Variants in HS6ST3 observed in about 807,000 individuals in gnomAD.
The protein encoded by HS6ST3 is heparan-sulfate 6-O-sulfotransferase 3.
Under a neutral mutation model 36.7 loss-of-function variants are expected in HS6ST3, and 12 were observed. The observed-to-expected ratio is 0.33, with a 90% CI of 0.21 to 0.53. The LOEUF (loss-of-function observed/expected upper bound fraction) is 0.53. Among genes scored for constraint, HS6ST3 ranks in the 20% least tolerant of loss-of-function variants. HS6ST3 has a pLI of 0.95. For missense variants in HS6ST3, 584 were observed against 640.9 expected (o/e 0.91, Z 0.96); for synonymous variants, 240 against 257.5 (o/e 0.93, Z 0.65).
At chr13:96,721,136 A>G (rs565964459) in intron 1 of HS6ST3, among the ~76,000 whole-genome samples, 3 of 152,314 alleles carry the variant, frequency 2.0e-5, no homozygotes, top group African/African-American at 7.2e-5. Context: ...GAGCCTAATG[A>G]TAATTCCTCT....
intron 1 of HS6ST3, among the ~76,000 whole-genome samples, chr13:96,788,096 T>C (rs1355811735): frequency 6.6e-6 from 1 of 151,938 alleles, no homozygotes; most frequent in Non-Finnish European, 1.5e-5. Flanking sequence ...TTCTATGTTA[T>C]GTTTCATTTC....
intron 1 of HS6ST3, among the ~76,000 whole-genome samples, chr13:96,157,246 G>A (rs1273463019): frequency 6.6e-6 from 1 of 152,086 alleles, no homozygotes; most frequent in East Asian, 1.9e-4. Context: ...CAGTTTTATT[G>A]CCATCTTCTT....
At chr13:96,226,474 C>T (rs1360060667) in intron 1 of HS6ST3, among the ~76,000 whole-genome samples, 1 of 152,076 alleles carries the variant, frequency 6.6e-6, no homozygotes, top group East Asian at 1.9e-4. Flanking sequence ...AAGCCAAGAT[C>T]GTGCCATTGC....
At chr13:96,271,289 A>C (rs9556541) in intron 1 of HS6ST3, among the ~76,000 whole-genome samples, 74,386 of 151,706 alleles carry the variant, frequency 0.49, 18,583 homozygotes, top group Middle Eastern at 0.6. Context: ...AGAGCACAGA[A>C]ATAGTAAAAT....
intron 1 of HS6ST3, among the ~76,000 whole-genome samples, chr13:96,224,356 C>T (rs1411792008): frequency 2.6e-5 from 4 of 151,976 alleles, no homozygotes; most frequent in African/African-American, 4.8e-5. Flanking sequence ...AGTGTCTCTC[C>T]GTCTGCTAGG....
intron 1 of HS6ST3, among the ~76,000 whole-genome samples, chr13:96,219,133 A>G (rs2054442195): frequency 6.6e-6 from 1 of 152,096 alleles, no homozygotes; most frequent in East Asian, 1.9e-4. Context: ...CCAGAGCCAC[A>G]CTAACTCCAC....
intron 1 of HS6ST3, among the ~76,000 whole-genome samples, chr13:96,484,379 C>T (rs2055904061): frequency 6.6e-6 from 1 of 152,006 alleles, no homozygotes; most frequent in African/African-American, 2.4e-5. Flanking sequence ...TTCAATGTTT[C>T]AATGTTAGCA....
Position 96,798,617 on chromosome 13 carries a change from G to T in HS6ST3, c.708-33873G>T, listed in dbSNP as rs565810269. 1.3e-4 allele frequency among the ~76,000 whole-genome samples: 20 copies of T among 152,136 alleles called. 1 individual carries two copies. In the South Asian group the frequency reaches 3.7e-3, roughly 28 times the overall value. On this transcript the variant is annotated intron_variant, in intron 1 of 1. Coordinates refer to ENST00000376705, the MANE Select transcript of HS6ST3 (RefSeq NM_153456.4). ...GCTGTCATATGTGACTCTGAGGAAG[G>T]TCACTTAATTTCTCTGCGCCTCAAT... is the stretch of plus-strand genomic sequence containing the variant.
chr13:96,167,883 G>A (rs1468598070), intron 1 of HS6ST3, among the ~76,000 whole-genome samples: 1 of 152,162 alleles, frequency 6.6e-6, no homozygotes, highest in Non-Finnish European at 1.5e-5. Flanking sequence ...GTATATGTGT[G>A]TGTAAAGTGC....
chr13:96,338,650 C>T (rs779512614), intron 1 of HS6ST3, among the ~76,000 whole-genome samples: 2 of 152,192 alleles, frequency 1.3e-5, no homozygotes, highest in Non-Finnish European at 2.9e-5. Flanking sequence ...GTTACGGAAT[C>T]TCTAGCTTCA....
intron 1 of HS6ST3, among the ~76,000 whole-genome samples, chr13:96,760,683 C>T (rs1365428576): frequency 6.6e-6 from 1 of 152,104 alleles, no homozygotes; most frequent in Non-Finnish European, 1.5e-5. Flanking sequence ...TCATGTATCA[C>T]ATATCAATAA....
At chr13:96,722,972 G>C (rs1025029645) in intron 1 of HS6ST3, among the ~76,000 whole-genome samples, 7 of 149,188 alleles carry the variant, frequency 4.7e-5, no homozygotes, top group Non-Finnish European at 1.0e-4. Context: ...GCAAGACCCT[G>C]TCTCAAAAAA....
At chr13:96,189,554 C>G (rs1283822307) in intron 1 of HS6ST3, among the ~76,000 whole-genome samples, 1 of 152,044 alleles carries the variant, frequency 6.6e-6, no homozygotes, top group Admixed American at 6.6e-5. Context: ...TTTCGTCTTA[C>G]CATTCCAGAA....
At chr13:96,423,428 C>A (rs181189018) in intron 1 of HS6ST3, among the ~76,000 whole-genome samples, 1 of 150,764 alleles carries the variant, frequency 6.6e-6, no homozygotes, top group Non-Finnish European at 1.5e-5. Context: ...GTAACAAGCA[C>A]GGTGAAAAAT....
chr13:96,755,697 GC>G (rs1334414711), intron 1 of HS6ST3, among the ~76,000 whole-genome samples: 2 of 152,132 alleles, frequency 1.3e-5, no homozygotes, highest in African/African-American at 4.8e-5. Flanking sequence ...GAGGAGTATT[GC>G]TTTGTATGAA....
chr13:96,486,561 A>G (rs1361258830), intron 1 of HS6ST3, among the ~76,000 whole-genome samples: 1 of 152,186 alleles, frequency 6.6e-6, no homozygotes, highest in Non-Finnish European at 1.5e-5. Context: ...CGCCATTCTA[A>G]CTGGTGTGAG....
intron 1 of HS6ST3, among the ~76,000 whole-genome samples, chr13:96,736,886 CTG>C (rs1264066693): frequency 6.6e-6 from 1 of 152,228 alleles, no homozygotes; most frequent in Non-Finnish European, 1.5e-5. Flanking sequence ...AAAACCCAAA[CTG>C]TAATACATTC....
At chr13:96,314,233 C>G (rs2139410697) in intron 1 of HS6ST3, among the ~76,000 whole-genome samples, 1 of 152,146 alleles carries the variant, frequency 6.6e-6, no homozygotes, top group African/African-American at 2.4e-5. Flanking sequence ...CCTTCCCAAG[C>G]TCTTTGGCTT....
chr13:96,185,101 T>C (rs1444402076), intron 1 of HS6ST3, among the ~76,000 whole-genome samples: 4 of 152,210 alleles, frequency 2.6e-5, no homozygotes, highest in Admixed American at 2.0e-4. Context: ...TCCAAAGGTA[T>C]TTAAAATATA....
Sources: gnomAD v4.1 joint callset for allele counts (sites outside exome capture counted in the v4.1 genomes callset) on GRCh38, gnomAD v4.1.1 for gene constraint, MANE v1.5 for transcripts, NCBI Gene and HGNC (gene_info 2026-07-23, HGNC 2026-07-21) for gene names.